Variants in ANTXRL observed in about 807,000 individuals in gnomAD.
ANTXRL encodes ANTXR like, also known as anthrax toxin receptor-like.
In ANTXRL, 63 loss-of-function variants were observed where a neutral mutation model predicts 75.4. The observed-to-expected ratio is 0.84, with a 90% CI of 0.68 to 1.03. ANTXRL has a LOEUF of 1.03. Among genes scored for constraint, ANTXRL ranks in the 50% least tolerant of loss-of-function variants. ANTXRL has a pLI of 0.00. For missense variants in ANTXRL, 797 were observed against 789.4 expected (o/e 1.01, Z -0.12); for synonymous variants, 335 against 291.3 (o/e 1.15, Z -1.53).
chr10:46,311,245 G>A (rs1262649148), intron 14 of ANTXRL, among the ~76,000 whole-genome samples: 1 of 152,084 alleles, frequency 6.6e-6, no homozygotes, highest in Non-Finnish European at 1.5e-5. Context: ...TGCAAATGCT[G>A]GGACCATTGC....
chr10:46,297,286 TG>T lies in ANTXRL; in HGVS notation c.545del (p.Gly182GlufsTer38). On this transcript the variant is annotated frameshift_variant, in exon 6 of 17. Coordinates refer to ENST00000620264, the MANE Select transcript of ANTXRL (RefSeq NM_001278688.3). LOFTEE classifies it high-confidence loss of function. Reference protein sequence around the residue: ...VPSMIIAMTDGELVAHAFQDT... With the variant: ...VPSMIIAMTDXELVAHAFQDT... ...CCAGCATGATTATTGCTATGACTGA[TG>T]GAGAACTGGTGGCACATGCATTTCA... 6.5e-7 allele frequency: 1 copy of T among 1,536,522 alleles called. No homozygotes were observed.
rs1839420306 is a variant in ANTXRL at position 46,329,986 on chromosome 10, T to C, written c.1798T>C (p.Leu600=). The part of the protein sequence containing the change: ...SRCRLPPARC[L]RPPSRMLPLL... ...GTGCCGCCTCCCCCCAGCTAGGTGC[T>C]TGAGGCCTCCCTCCAGGATGCTGCC... is the stretch of plus-strand genomic sequence containing the variant. The change falls in exon 17 of 17, where the codon TTG becomes CTG. Residue 600 remains leucine (L), a synonymous_variant. Transcript: ENST00000620264. 2 of 1,534,196 alleles carry C rather than the reference T, an allele frequency of 1.3e-6. No individual in the cohort carries two copies. The highest frequency in any genetic ancestry group is 1.4e-5 in the African/African-American group (1 of 72,502).
At chr10:46,314,257 G>A (rs1838597878) in intron 16 of ANTXRL, among the ~76,000 whole-genome samples, 1 of 152,216 alleles carries the variant, frequency 6.6e-6, no homozygotes, top group South Asian at 2.1e-4. Flanking sequence ...TGGTGTCAGA[G>A]GCATGCAGGG....
intron 13 of ANTXRL, 42 bp from the exon 14 acceptor site, chr10:46,310,419 C>A (rs1554963135): frequency 6.5e-7 from 1 of 1,531,840 alleles, no homozygotes; most frequent in Admixed American, 2.0e-5. Context: ...AGAGCCCGCC[C>A]ACCCCCATCC....
In ANTXRL at chr10:46,297,392, C is replaced by A. The variant is rs1588804791; in HGVS notation, c.586-14C>A. 6.5e-7 allele frequency: 1 copy of A among 1,536,074 alleles called. No homozygotes were observed. The highest frequency in any genetic ancestry group is 2.4e-5 in the East Asian group (1 of 40,908). On this transcript the variant is annotated splice_polypyrimidine_tract_variant and intron_variant, in intron 6 of 16. Coordinates refer to ENST00000620264, the MANE Select transcript of ANTXRL (RefSeq NM_001278688.3). The stretch of plus-strand genomic sequence containing the variant: ...TATTTTGATGACCAATATGCAATGC[C>A]TTCTTTCCCTTAGGCTCAAAAGGCT...
At chr10:46,302,392 G>C (rs566509916) in intron 9 of ANTXRL, among the ~76,000 whole-genome samples, 2 of 152,148 alleles carry the variant, frequency 1.3e-5, no homozygotes, top group Non-Finnish European at 2.9e-5. Context: ...ACCTGGGGCC[G>C]AGGGAGCACC....
chr10:46,313,190 C>T (rs1186160487), intron 15 of ANTXRL, 46 bp from the exon 16 acceptor site: 1 of 1,485,016 alleles, frequency 6.7e-7, no homozygotes. Flanking sequence ...CTTCTGGAGG[C>T]AGTGTCCAAG....
At chr10:46,307,884 T>C (rs1838187667) in intron 12 of ANTXRL, among the ~76,000 whole-genome samples, 1 of 152,096 alleles carries the variant, frequency 6.6e-6, no homozygotes, top group Non-Finnish European at 1.5e-5. Flanking sequence ...CTCTCCTCCT[T>C]GCTCAGGCCC....
chr10:46,311,510 G>C lies in ANTXRL; in HGVS notation c.1174G>C (p.Glu392Gln). 1.3e-6 allele frequency: 2 copies of C among 1,526,870 alleles called. No homozygotes were observed. The highest frequency in any genetic ancestry group is 2.4e-5 in the South Asian group (2 of 82,834). The allele number at this position is 1,526,870 out of a possible 1,614,324, so 94.6% of individuals were successfully genotyped here. Residue 392 changes from glutamate (E) to glutamine (Q), a missense_variant and splice_region_variant, in exon 15 of 17, where the codon GAG (glutamate) becomes CAG (glutamine). By Grantham distance (29) the Glu-to-Gln change is conservative. This residue lies in a region of ANTXRL where 479 missense variants were observed against 422.0 expected (regional missense o/e 1.14). Transcript: ENST00000620264. Reference protein sequence around the residue: ...EPPPVQKPEKEPEQEKPPSPP... With the variant: ...EPPPVQKPEKQPEQEKPPSPP... ...CAGACAGTTGTTTTTCTTTTTTTAG[G>C]AGCCAGAGCAGGAAAAACCACCATC...
chr10:46,297,257 G>T lies in ANTXRL; in HGVS notation c.514G>T (p.Val172Phe), dbSNP rs1376844883. Reference sequence around the variant, plus strand: ...ACTCTTTGCTTCTTCTACAGACAAGGTTCCCAGCATGATTATTGCTATGAC... The same window carrying T: ...ACTCTTTGCTTCTTCTACAGACAAGTTTCCCAGCATGATTATTGCTATGAC... ...QIESFNSGNK[V>F]PSMIIAMTDG... is the part of the protein sequence containing the mutation. Residue 172 changes from valine (V) to phenylalanine (F), a missense_variant, in exon 6 of 17, where the codon GTT (valine) becomes TTT (phenylalanine). Physicochemically the swap from Val to Phe is conservative, Grantham distance 50 (BLOSUM62 -1). Coordinates refer to ENST00000620264, the MANE Select transcript of ANTXRL (RefSeq NM_001278688.3). The T allele has an allele frequency of 6.5e-7, 1 of 1,536,400 alleles. No individual in the cohort carries two copies. The highest frequency in any genetic ancestry group is 2.0e-5 in the Admixed American group (1 of 50,986).
chr10:46,306,849 G>C lies in ANTXRL; in HGVS notation c.942G>C (p.Gly314=). Residue 314 remains glycine, a synonymous_variant, in exon 11 of 17, where the codon GGG becomes GGC. Coordinates refer to ENST00000620264, the MANE Select transcript of ANTXRL (RefSeq NM_001278688.3). ...ACAATAATTCCATGAATTGCCCTGG[G>C]CCAAAACTAGAAAAACCTGGAGAGT... The part of the protein sequence containing the change: ...SIDNNSMNCP[G]PKLEKPGEEY... 6.5e-7 allele frequency: 1 copy of C among 1,530,128 alleles called. No homozygotes were observed. Among genetic ancestry groups the C allele is most frequent in the Non-Finnish European group, 8.7e-7 (1 of 1,144,538 alleles). The allele number at this position is 1,530,128 out of a possible 1,614,324, so 94.8% of individuals were successfully genotyped here.
At chr10:46,293,448 G>C (rs575563755) in intron 2 of ANTXRL, among the ~76,000 whole-genome samples, 42 of 118,540 alleles carry the variant, frequency 3.5e-4, no homozygotes, top group African/African-American at 1.1e-3. Flanking sequence ...GCATGTGTAT[G>C]GGTGCATGTG....
At chr10:46,292,198 G>T in intron 2 of ANTXRL, 69 bp downstream of exon 2, 1 of 1,450,366 alleles carries the variant, frequency 6.9e-7, no homozygotes, top group South Asian at 1.2e-5. Context: ...CAGGCAGAGG[G>T]CACATCCCAT....
At chr10:46,300,481 C>T (rs1264870321) in intron 9 of ANTXRL, among the ~76,000 whole-genome samples, 3 of 152,122 alleles carry the variant, frequency 2.0e-5, no homozygotes, top group Non-Finnish European at 2.9e-5. Flanking sequence ...GCCCATCCCC[C>T]ACACATGGCT....
chr10:46,314,089 G>A (rs1199841003), intron 16 of ANTXRL, among the ~76,000 whole-genome samples: 2 of 152,198 alleles, frequency 1.3e-5, no homozygotes, highest in East Asian at 1.9e-4. Flanking sequence ...AGAGGGACCT[G>A]CACTGGCCAG....
In ANTXRL at chr10:46,300,806, T is replaced by C. The variant is rs183385961; in HGVS notation, c.797-1916T>C. ...GTCACCCAGGGTGTATCATGACTTC[T>C]GGTTGTCTATGTCTAAGCATAATTT... On this transcript the variant is annotated intron_variant, in intron 9 of 16. Coordinates refer to ENST00000620264, the MANE Select transcript of ANTXRL (RefSeq NM_001278688.3). Among the ~76,000 whole-genome samples, 505 of 152,302 alleles carry C rather than the reference T, an allele frequency of 3.3e-3. 1 individual carries two copies. Among genetic ancestry groups the C allele is most frequent in the Non-Finnish European group, 3.2e-3 (216 of 68,030 alleles).
chr10:46,313,205 A>G (rs533451913), intron 15 of ANTXRL, 31 bp from the exon 16 acceptor site: 3 of 1,530,072 alleles, frequency 2.0e-6, no homozygotes, highest in African/African-American at 1.4e-5. Flanking sequence ...TCCAAGCTGC[A>G]TGTCTTCCTC....
rs1554959675 is a variant in ANTXRL at position 46,298,479 on chromosome 10, T to C, written c.796+417T>C. Among the ~76,000 whole-genome samples the C allele has an allele frequency of 4.6e-5, 7 of 151,460 alleles. No individual in the cohort carries two copies. In the South Asian group the frequency reaches 1.5e-3, roughly 32 times the overall value. On this transcript the variant is annotated intron_variant, in intron 9 of 16. Transcript: ENST00000620264. ...GTGGGAGCTGAGGTGCTGTGTAATA[T>C]GCATGTGGGGGTGTGAGTGTACGTA...
intron 16 of ANTXRL, among the ~76,000 whole-genome samples, chr10:46,314,970 A>C (rs1278240556): frequency 6.6e-6 from 1 of 152,090 alleles, no homozygotes; most frequent in African/African-American, 2.4e-5. Context: ...GTGCTTCCCA[A>C]CTATAGTCCT....
Sources: gnomAD v4.1 joint callset for allele counts (sites outside exome capture counted in the v4.1 genomes callset) on GRCh38, gnomAD v4.1.1 for gene constraint, gnomAD v4.1.1 regional missense constraint, MANE v1.5 for transcripts, NCBI Gene and HGNC (gene_info 2026-07-23, HGNC 2026-07-21) for gene names.